The following BMPER variants were observed in gnomAD, a reference collection of about 807,000 sequenced individuals.
BMPER encodes BMP-binding endothelial regulator protein.
Under a neutral mutation model 87.3 loss-of-function variants are expected in BMPER, and 45 were observed. The ratio of observed to expected loss-of-function variants is 0.52; its 90% confidence interval spans 0.41 to 0.66. The LOEUF (loss-of-function observed/expected upper bound fraction) is 0.66. Among genes scored for constraint, BMPER ranks in the 30% least tolerant of loss-of-function variants. The pLI, the probability that BMPER is intolerant of heterozygous loss-of-function variation, is 0.00. For missense variants in BMPER, 784 were observed against 867.5 expected, an observed-to-expected ratio of 0.90 and a Z score of 1.21; for synonymous variants, 326 against 316.2, an observed-to-expected ratio of 1.03 and a Z score of -0.33.
intron 3 of BMPER, among the ~76,000 whole-genome samples, chr7:33,952,714 C>T (rs1020752474): frequency 7.2e-5 from 11 of 152,164 alleles, no homozygotes; most frequent in African/African-American, 2.4e-4. Flanking sequence ...TAAATGTTCC[C>T]ACTGGACTTT....
chr7:33,972,320 T>C (rs527787320), intron 5 of BMPER, among the ~76,000 whole-genome samples: 1 of 152,274 alleles, frequency 6.6e-6, no homozygotes, highest in African/African-American at 2.4e-5. Flanking sequence ...CCTCCCACCC[T>C]GTAGAACATT....
At chr7:33,976,440 G>A (rs555428345) in intron 6 of BMPER, among the ~76,000 whole-genome samples, 49 of 152,178 alleles carry the variant, frequency 3.2e-4, no homozygotes, top group Non-Finnish European at 6.0e-4. Context: ...GGTGTGAGCC[G>A]CTATGCCTGG....
intron 13 of BMPER, among the ~76,000 whole-genome samples, chr7:34,104,774 G>C (rs1045509110): frequency 6.6e-6 from 1 of 152,094 alleles, no homozygotes; most frequent in African/African-American, 2.4e-5. Flanking sequence ...TAACAAACTG[G>C]CCTCCCCTGT....
chr7:33,937,636 G>T, intron 3 of BMPER: 1 of 506,088 alleles, frequency 2.0e-6, no homozygotes, highest in Non-Finnish European at 3.6e-6. Context: ...TATTTGGTTT[G>T]TTTTCTAAGG....
Position 34,046,419 on chromosome 7 carries a change from T to A in BMPER, c.676+14T>A, listed in dbSNP as rs1172065720. The A allele has an allele frequency of 6.2e-6, 10 of 1,605,846 alleles. No individual in the cohort carries two copies. In the African/African-American group the frequency reaches 1.3e-4, roughly 21 times the overall value. ...CCAAATGTTTGGGTGAGTTACTATTTTCAGGTCAAAGAACAATGTAATTTC... is the reference window on the plus strand; with the variant it reads ...CCAAATGTTTGGGTGAGTTACTATTATCAGGTCAAAGAACAATGTAATTTC... On this transcript the variant is annotated intron_variant, in intron 7 of 14. Transcript: ENST00000649409.
chr7:34,103,003 A>T (rs963766612), intron 13 of BMPER, among the ~76,000 whole-genome samples: 4 of 152,092 alleles, frequency 2.6e-5, no homozygotes, highest in Non-Finnish European at 5.9e-5. Context: ...TTGGAAAAAA[A>T]TGCTTTCTGA....
intron 6 of BMPER, among the ~76,000 whole-genome samples, chr7:34,014,037 A>G (rs939624963): frequency 6.6e-6 from 1 of 151,954 alleles, no homozygotes. Context: ...TACTTTGCCC[A>G]TCAGGGTAAG....
chr7:34,128,465 C>T (rs745656112), intron 13 of BMPER, among the ~76,000 whole-genome samples: 2 of 152,026 alleles, frequency 1.3e-5, no homozygotes, highest in East Asian at 1.9e-4. Context: ...AGTTGCTTGC[C>T]AAGTAGAGAT....
At chr7:34,097,248 A>G (rs1789553832) in intron 13 of BMPER, among the ~76,000 whole-genome samples, 1 of 152,242 alleles carries the variant, frequency 6.6e-6, no homozygotes, top group Non-Finnish European at 1.5e-5. Flanking sequence ...CTTCATGTTC[A>G]CAGCCATGGA....
intron 3 of BMPER, among the ~76,000 whole-genome samples, chr7:33,962,382 T>A (rs1785294225): frequency 6.6e-6 from 1 of 152,206 alleles, no homozygotes; most frequent in East Asian, 1.9e-4. Flanking sequence ...ATTGTTGTAT[T>A]ATTTTAGATG....
intron 14 of BMPER, among the ~76,000 whole-genome samples, chr7:34,147,673 T>C (rs1293258409): frequency 1.3e-5 from 2 of 152,180 alleles, no homozygotes; most frequent in East Asian, 1.9e-4. Context: ...TTTCTCCATG[T>C]TGGTCAGGCA....
At chr7:33,978,209 T>C (rs754530353) in intron 6 of BMPER, among the ~76,000 whole-genome samples, 2 of 152,206 alleles carry the variant, frequency 1.3e-5, no homozygotes, top group Non-Finnish European at 2.9e-5. Context: ...AAGGACACAG[T>C]GTTCCTCTCC....
In BMPER at chr7:33,968,750, G is replaced by T. The variant is rs573396931; in HGVS notation, c.403-1579G>T. ...GATCTGGCCTAGTTCCATTTGAATTGAATTCTACCTGTTTCTTATATCTTC... is the reference window on the plus strand; with the variant it reads ...GATCTGGCCTAGTTCCATTTGAATTTAATTCTACCTGTTTCTTATATCTTC... On this transcript the variant is annotated intron_variant, in intron 4 of 14. Transcript: ENST00000649409. Among the ~76,000 whole-genome samples the T allele has an allele frequency of 1.2e-4, 18 of 152,286 alleles. No homozygotes were observed. The South Asian group carries it at 1.2e-3, about 11-fold the overall frequency.
At chr7:34,103,435 C>T (rs1005631872) in intron 13 of BMPER, among the ~76,000 whole-genome samples, 6 of 152,100 alleles carry the variant, frequency 3.9e-5, no homozygotes, top group African/African-American at 1.4e-4. Flanking sequence ...ACAGGGGGAG[C>T]GATACATTAC....
chr7:34,024,388 T>C, intron 6 of BMPER, among the ~76,000 whole-genome samples: 7 of 5,200 alleles, frequency 1.3e-3, no homozygotes, highest in African/African-American at 2.9e-3. Context: ...AAAAACAATA[T>C]ATATATATAT....
chr7:34,043,157 A>T (rs1372327468), intron 6 of BMPER, among the ~76,000 whole-genome samples: 9 of 152,230 alleles, frequency 5.9e-5, no homozygotes, highest in African/African-American at 2.2e-4. Context: ...AGAAGAGATT[A>T]TGGAATGTTT....
At chr7:33,975,957 A>T (rs550531613) in intron 6 of BMPER, among the ~76,000 whole-genome samples, 1 of 151,976 alleles carries the variant, frequency 6.6e-6, no homozygotes, top group Non-Finnish European at 1.5e-5. Context: ...GAAGGGAGGG[A>T]GGAAGAGAGT....
chr7:34,110,761 TTAATTTA>T (rs1328126624), intron 13 of BMPER, among the ~76,000 whole-genome samples: 2 of 152,324 alleles, frequency 1.3e-5, no homozygotes, highest in African/African-American at 4.8e-5. Context: ...AGATTGTTTT[TTAATTTA>T]TAATTTATAA....
Position 34,153,222 on chromosome 7 carries a change from G to A in BMPER, c.2007G>A (p.Leu669=). 1 of 1,614,044 alleles carries A rather than the reference G, an allele frequency of 6.2e-7. No homozygotes were observed. Among genetic ancestry groups the A allele is most frequent in the Non-Finnish European group, 8.5e-7 (1 of 1,179,990 alleles). ...CVAGCHCPAN[L]VLHKGRCIKP... is the part of the protein sequence containing the mutation. ...CTGGGTGCCACTGTCCAGCAAACTT[G>A]GTCCTTCACAAGGGAAGGTGCATCA... The change falls in exon 15 of 15, where the codon TTG becomes TTA. Residue 669 remains leucine (L), a synonymous_variant. Coordinates refer to ENST00000649409, the MANE Select transcript of BMPER (RefSeq NM_001365308.1).
Sources: gnomAD v4.1 joint callset for allele counts (sites outside exome capture counted in the v4.1 genomes callset) on GRCh38, gnomAD v4.1.1 for gene constraint, MANE v1.5 for transcripts, NCBI Gene and HGNC (gene_info 2026-07-23, HGNC 2026-07-21) for gene names.